ZSCAN25: variants seen among roughly 807,000 people sequenced by gnomAD.
ZSCAN25 encodes the protein zinc finger and SCAN domain containing 25.
Under a neutral mutation model 38.7 loss-of-function variants are expected in ZSCAN25, and 27 were observed. The ratio of observed to expected loss-of-function variants is 0.70; its 90% CI spans 0.51 to 0.96. The LOEUF (loss-of-function observed/expected upper bound fraction) is 0.96, where lower values mean the gene tolerates loss of function less well. Among genes scored for constraint, ZSCAN25 ranks in the 40% least tolerant of loss-of-function variants. The pLI, the probability that ZSCAN25 is intolerant of heterozygous loss-of-function variation, is 0.00. For synonymous variants in ZSCAN25, 273 were observed against 277.7 expected (o/e 0.98, Z 0.17); for missense variants, 637 against 705.9 (o/e 0.90, Z 1.11).
chr7:99,707,837 G>A, the ZSCAN25 span: 2 of 1,613,960 alleles, frequency 1.2e-6, no homozygotes, highest in Non-Finnish European at 8.5e-7. Flanking sequence ...AGGTTTGAAG[G>A]AGAAGTTCTG....
At chr7:99,717,902 G>A in the ZSCAN25 span, among the ~76,000 whole-genome samples, 1 of 152,142 alleles carries the variant, frequency 6.6e-6, no homozygotes, top group Non-Finnish European at 1.5e-5. Context: ...GGAATAGACA[G>A]GATCAACACC....
chr7:99,661,857 A>C, the ZSCAN25 span, among the ~76,000 whole-genome samples: 1 of 152,268 alleles, frequency 6.6e-6, no homozygotes, highest in Non-Finnish European at 1.5e-5. Flanking sequence ...GGTAGCCACT[A>C]TCCACATGTG....
At chr7:99,715,666 T>G in the ZSCAN25 span, 1 of 1,598,026 alleles carries the variant, frequency 6.3e-7, no homozygotes, top group Non-Finnish European at 8.6e-7. Flanking sequence ...AACTGTACAT[T>G]TTAAGTGGAT....
the ZSCAN25 span, chr7:99,647,725 T>C: frequency 1.0e-6 from 1 of 985,420 alleles, no homozygotes; most frequent in East Asian, 1.1e-4. Context: ...AATAATCAAA[T>C]TGGAATTCTG....
At chr7:99,645,452 T>C in the ZSCAN25 span, among the ~76,000 whole-genome samples, 1 of 152,230 alleles carries the variant, frequency 6.6e-6, no homozygotes, top group East Asian at 1.9e-4. Context: ...ATGATTTATA[T>C]TCCTCTGGAT....
the ZSCAN25 span, among the ~76,000 whole-genome samples, chr7:99,691,219 C>T: frequency 1.9e-4 from 29 of 151,352 alleles, no homozygotes; most frequent in Non-Finnish European, 3.5e-4. Flanking sequence ...CGCATGTACT[C>T]ACTCAAAGGT....
At position 99,630,674 on chromosome 7, in the gene ZSCAN25, G is replaced by C; in HGVS notation, c.*654G>C. The C allele has an allele frequency of 3.0e-6, 3 of 985,546 alleles. No homozygotes were observed. The highest frequency in any genetic ancestry group is 3.6e-6 in the Non-Finnish European group (3 of 830,036). 61.1% of individuals were successfully genotyped at this position (985,546 alleles called of 1,614,324 possible). A position where few individuals can be genotyped will look rare whatever the true frequency, so the allele number is the denominator to read the frequency against. ...CCTCCCCAGCTGGGATCTGCTCCCA[G>C]GCAACTGTGTGAATTTTACATTATT... On this transcript the variant is annotated 3_prime_UTR_variant, in exon 8 of 8. Coordinates refer to ENST00000394152, the MANE Select transcript of ZSCAN25 (RefSeq NM_145115.3).
At chr7:99,627,696 G>A (rs117749728) in intron 7 of ZSCAN25, among the ~76,000 whole-genome samples, 353 of 150,264 alleles carry the variant, frequency 2.3e-3, no homozygotes, top group East Asian at 0.014. Context: ...TGCTGTATAC[G>A]TATATCTCGT....
chr7:99,734,162 A>C, the ZSCAN25 span, among the ~76,000 whole-genome samples: 2 of 152,218 alleles, frequency 1.3e-5, no homozygotes, highest in African/African-American at 2.4e-5. Flanking sequence ...ACCACAACTC[A>C]CTGAATTGCT....
the ZSCAN25 span, among the ~76,000 whole-genome samples, chr7:99,699,794 C>T: frequency 6.6e-6 from 1 of 152,198 alleles, no homozygotes; most frequent in Non-Finnish European, 1.5e-5. Flanking sequence ...TTATTTATTT[C>T]TTCATAAATC....
the ZSCAN25 span, chr7:99,652,748 A>G: frequency 6.2e-7 from 1 of 1,613,998 alleles, no homozygotes; most frequent in Non-Finnish European, 8.5e-7. Context: ...AAGGTACTCC[A>G]TCTGTACCAC....
At chr7:99,666,648 T>A in the ZSCAN25 span, 1 of 1,614,036 alleles carries the variant, frequency 6.2e-7, no homozygotes, top group Non-Finnish European at 8.5e-7. Context: ...GCCTCAAGTT[T>A]CTCACCAATA....
chr7:99,730,654 G>A, the ZSCAN25 span: 2 of 201,794 alleles, frequency 9.9e-6, no homozygotes, highest in African/African-American at 4.7e-5. Flanking sequence ...TTGCTACAGA[G>A]AGGAAAGTTT....
chr7:99,662,065 G>C, the ZSCAN25 span, among the ~76,000 whole-genome samples: 1 of 152,174 alleles, frequency 6.6e-6, no homozygotes, highest in African/African-American at 2.4e-5. The surrounding 1 kb of genome is among the most constrained non-coding windows in gnomAD (Gnocchi z 4.3). Flanking sequence ...ATAAATTATA[G>C]GCAGATAGAT....
chr7:99,656,285 C>T, the ZSCAN25 span, among the ~76,000 whole-genome samples: 1 of 152,146 alleles, frequency 6.6e-6, no homozygotes, highest in African/African-American at 2.4e-5. Flanking sequence ...GAGTTTTTAG[C>T]ATGAAGGGCT....
the ZSCAN25 span, among the ~76,000 whole-genome samples, chr7:99,668,537 G>A: frequency 1.4e-4 from 21 of 152,070 alleles, no homozygotes; most frequent in African/African-American, 4.6e-4. Flanking sequence ...TGTGAACTTC[G>A]TAGACAACAA....
the ZSCAN25 span, among the ~76,000 whole-genome samples, chr7:99,733,371 T>G: frequency 1.3e-5 from 2 of 152,128 alleles, no homozygotes; most frequent in Admixed American, 6.6e-5. Flanking sequence ...GGCAAACTGT[T>G]TAGTTTCTTT....
In ZSCAN25 at chr7:99,630,247, A is replaced by G; in HGVS notation, c.*227A>G. 7.4e-7 allele frequency: 1 copy of G among 1,342,532 alleles called. No individual in the cohort carries two copies. Among genetic ancestry groups the G allele is most frequent in the Non-Finnish European group, 9.5e-7 (1 of 1,051,610 alleles). 83.2% of individuals were successfully genotyped at this position (1,342,532 alleles called of 1,614,324 possible). On this transcript the variant is annotated 3_prime_UTR_variant, in exon 8 of 8. Coordinates refer to ENST00000394152, the MANE Select transcript of ZSCAN25 (RefSeq NM_145115.3). ...TTTTCTTCCAATGTTTGAGGGAAGCAGTCTCCTGCGGTTCAGTTCAGGCTG... is the reference window on the plus strand; with the variant it reads ...TTTTCTTCCAATGTTTGAGGGAAGCGGTCTCCTGCGGTTCAGTTCAGGCTG...
chr7:99,638,129 C>T, the ZSCAN25 span: 1 of 1,054,364 alleles, frequency 9.5e-7, no homozygotes, highest in Non-Finnish European at 1.3e-6. Context: ...ACAGTAACTC[C>T]AGAGTTCAAA....
Sources: gnomAD v4.1 joint callset for allele counts (sites outside exome capture counted in the v4.1 genomes callset) on GRCh38, gnomAD v4.1.1 for gene constraint, Gnocchi (gnomAD v3.1) non-coding constraint, MANE v1.5 for transcripts, NCBI Gene and HGNC (gene_info 2026-07-23, HGNC 2026-07-21) for gene names.